The following ATL2 variants were observed in gnomAD, a reference collection of about 807,000 sequenced individuals.
The protein encoded by ATL2 is atlastin GTPase 2, also known as atlastin-2.
ATL2 carries 31 observed loss-of-function variants against 73.9 expected under a neutral mutation model. That is an observed-to-expected ratio of 0.42 (90% CI 0.32 to 0.57). ATL2 has a LOEUF of 0.57. ATL2 is among the 20% of genes least tolerant of loss of function. The pLI is 0.14. For synonymous variants in ATL2, 291 were observed against 237.5 expected (o/e 1.23, Z -2.07); for missense variants, 738 against 702.6 (o/e 1.05, Z -0.57).
At chr2:38,334,028 CT>C (rs34303299) in intron 2 of ATL2, among the ~76,000 whole-genome samples, 140 of 121,624 alleles carry the variant, frequency 1.2e-3, no homozygotes, top group East Asian at 3.8e-3. Flanking sequence ...ATCCAATCCT[CT>C]TTTTTTTTTT....
In ATL2 at chr2:38,307,425, G is replaced by A. The variant is rs1053239687; in HGVS notation, c.1071+1954C>T. On this transcript the variant is annotated intron_variant, in intron 9 of 12. Coordinates refer to ENST00000378954, the MANE Select transcript of ATL2 (RefSeq NM_001135673.4). ...AGGCCAGGCGAATTGCTTGAACCTG[G>A]GAGGCGGACGTTACAGCAAGCCGAG... is the stretch of plus-strand genomic sequence containing the variant. 5.3e-5 allele frequency among the ~76,000 whole-genome samples: 8 copies of A among 151,486 alleles called. No individual in the cohort carries two copies. The Middle Eastern group carries it at 0.01, about 193-fold the overall frequency.
chr2:38,363,000 T>C (rs1671097721), intron 1 of ATL2, among the ~76,000 whole-genome samples: 1 of 152,238 alleles, frequency 6.6e-6, no homozygotes, highest in Non-Finnish European at 1.5e-5. Flanking sequence ...GAAATAATTT[T>C]AGGTGTTGTA....
chr2:38,352,133 CAAAAAAAAAAAAA>C (rs778821586), intron 1 of ATL2, among the ~76,000 whole-genome samples: 25 of 31,996 alleles, frequency 7.8e-4, no homozygotes, highest in South Asian at 5.4e-3. Context: ...AAACAACAAC[CAAAAAAAAAAAAA>C]AAAAAAAAAA....
intron 2 of ATL2, among the ~76,000 whole-genome samples, chr2:38,334,484 C>A (rs1327130639): frequency 6.6e-6 from 1 of 151,810 alleles, no homozygotes; most frequent in African/African-American, 2.4e-5. Flanking sequence ...GGCGGATCAC[C>A]TGAGGCCAGG....
At chr2:38,360,147 AAAG>A (rs1442042968) in intron 1 of ATL2, among the ~76,000 whole-genome samples, 1 of 151,298 alleles carries the variant, frequency 6.6e-6, no homozygotes, top group Non-Finnish European at 1.5e-5. Context: ...AAAAAAAAAA[AAAG>A]AATACTAAAG....
chr2:38,357,837 A>C (rs892203593), intron 1 of ATL2, among the ~76,000 whole-genome samples: 23 of 152,132 alleles, frequency 1.5e-4, no homozygotes, highest in Admixed American at 6.5e-5. Flanking sequence ...CAATACTTAA[A>C]ATTAAAACTA....
chr2:38,333,258 C>T (rs1276564242), intron 2 of ATL2, among the ~76,000 whole-genome samples: 1 of 152,140 alleles, frequency 6.6e-6, no homozygotes, highest in East Asian at 1.9e-4. Context: ...CTCTTCACTC[C>T]AGCCTGGGCA....
intron 2 of ATL2, among the ~76,000 whole-genome samples, chr2:38,334,921 T>TTTATATATATATATATG (rs1553336576): frequency 7.5e-6 from 1 of 132,884 alleles, no homozygotes; most frequent in Non-Finnish European, 1.5e-5. Context: ...TATAAATATA[T>TTTATATATATATATATG]TTATATATTA....
At chr2:38,360,838 G>T (rs1670972934) in intron 1 of ATL2, among the ~76,000 whole-genome samples, 1 of 151,818 alleles carries the variant, frequency 6.6e-6, no homozygotes, top group African/African-American at 2.4e-5. Flanking sequence ...TATTTTTTAG[G>T]TAAGTTGTTT....
intron 9 of ATL2, among the ~76,000 whole-genome samples, chr2:38,304,738 T>C (rs1241534200): frequency 6.6e-6 from 1 of 152,130 alleles, no homozygotes. Flanking sequence ...CAGTTTAAAA[T>C]AAATATATTA....
At chr2:38,353,545 T>A (rs1282293867) in intron 1 of ATL2, among the ~76,000 whole-genome samples, 1 of 152,194 alleles carries the variant, frequency 6.6e-6, no homozygotes, top group East Asian at 1.9e-4. Context: ...GCAATAGTCA[T>A]AATGTTACCA....
At chr2:38,378,278 G>GA (rs1252109840), upstream of ATL2, among the ~76,000 whole-genome samples, 8 of 152,216 alleles carry the variant, frequency 5.3e-5, no homozygotes, top group Admixed American at 2.0e-4. Context: ...AAGCACTGGT[G>GA]TTATTAAAGC....
chr2:38,339,197 C>A (rs1271675851), intron 2 of ATL2, among the ~76,000 whole-genome samples: 1 of 151,674 alleles, frequency 6.6e-6, no homozygotes, highest in Non-Finnish European at 1.5e-5. Context: ...GCCTGGGCAA[C>A]GAGGGAAACT....
intron 2 of ATL2, among the ~76,000 whole-genome samples, chr2:38,319,552 T>C (rs1032707933): frequency 1.3e-5 from 2 of 151,432 alleles, no homozygotes; most frequent in African/African-American, 2.4e-5. Flanking sequence ...TGAGCTGAGA[T>C]TGTGCCACTA....
intron 9 of ATL2, among the ~76,000 whole-genome samples, chr2:38,307,482 G>C (rs913388247): frequency 3.3e-5 from 5 of 150,390 alleles, no homozygotes; most frequent in African/African-American, 9.8e-5. Flanking sequence ...CTGGGTGACA[G>C]AGCAACGCTC....
At chr2:38,346,313 A>C (rs1340526626) in intron 1 of ATL2, among the ~76,000 whole-genome samples, 1 of 152,128 alleles carries the variant, frequency 6.6e-6, no homozygotes, top group Non-Finnish European at 1.5e-5. Flanking sequence ...AATCCAATCT[A>C]ATCTCCACAG....
At chr2:38,357,666 A>AC in intron 1 of ATL2, among the ~76,000 whole-genome samples, 1 of 151,224 alleles carries the variant, frequency 6.6e-6, no homozygotes, top group African/African-American at 2.4e-5. Flanking sequence ...AAAAAAAAAA[A>AC]AAAAAACCTC....
intron 2 of ATL2, among the ~76,000 whole-genome samples, chr2:38,338,499 C>G (rs976186357): frequency 2.0e-5 from 3 of 151,266 alleles, no homozygotes; most frequent in African/African-American, 7.4e-5. Flanking sequence ...TGGATTGTAA[C>G]TCAAGTATAA....
At chr2:38,372,933 AATT>A (rs1298607915) in intron 1 of ATL2, among the ~76,000 whole-genome samples, 1 of 152,172 alleles carries the variant, frequency 6.6e-6, no homozygotes, top group African/African-American at 2.4e-5. Flanking sequence ...CACAGGAAAA[AATT>A]ATAACTTTTT....
Sources: allele counts gnomAD v4.1 joint callset (sites outside exome capture counted in the v4.1 genomes callset), GRCh38; gene constraint gnomAD v4.1.1; transcripts MANE v1.5; gene names NCBI Gene and HGNC (gene_info 2026-07-23, HGNC 2026-07-21).